Variants in SPAG16 observed in about 807,000 individuals in gnomAD.
The protein encoded by SPAG16 is sperm-associated antigen 16 protein.
Under a neutral mutation model 80.4 loss-of-function variants are expected in SPAG16, and 86 were observed. The ratio of observed to expected loss-of-function variants is 1.07; its 90% CI spans 0.90 to 1.28. The LOEUF (loss-of-function observed/expected upper bound fraction) is 1.28, where lower values mean the gene tolerates loss of function less well. SPAG16 is among the 50% of genes most tolerant of loss of function. SPAG16 has a pLI of 0.00. For synonymous variants in SPAG16, 294 were observed against 265.9 expected, an observed-to-expected ratio of 1.11 and a Z score of -1.03; for missense variants, 870 against 765.3, an observed-to-expected ratio of 1.14 and a Z score of -1.61.
chr2:213,614,675 G>T (rs12611569), intron 10 of SPAG16, among the ~76,000 whole-genome samples: 2 of 151,984 alleles, frequency 1.3e-5, no homozygotes, highest in Non-Finnish European at 2.9e-5. Context: ...TATAATATTT[G>T]TATCTTAAGT....
intron 10 of SPAG16, among the ~76,000 whole-genome samples, chr2:213,644,317 C>T (rs573840895): frequency 6.9e-4 from 105 of 152,126 alleles, no homozygotes; most frequent in African/African-American, 2.5e-3. Flanking sequence ...TGAAATGTCA[C>T]ATTTCTCTGT....
At chr2:213,899,041 A>G (rs1441041445) in intron 11 of SPAG16, among the ~76,000 whole-genome samples, 1 of 152,154 alleles carries the variant, frequency 6.6e-6, no homozygotes. Flanking sequence ...ACATATGATC[A>G]TATATTTTCT....
At chr2:213,852,450 C>T (rs1316730276) in intron 10 of SPAG16, among the ~76,000 whole-genome samples, 6 of 152,158 alleles carry the variant, frequency 3.9e-5, no homozygotes, top group African/African-American at 7.2e-5. Context: ...CTTTGGTACT[C>T]GCCTTCCTCT....
At chr2:213,865,917 CTTATA>C (rs554685415) in intron 11 of SPAG16, among the ~76,000 whole-genome samples, 262 of 146,074 alleles carry the variant, frequency 1.8e-3, no homozygotes, top group African/African-American at 5.1e-3. Flanking sequence ...TACACAGAAA[CTTATA>C]TTATATATAT....
intron 15 of SPAG16, among the ~76,000 whole-genome samples, chr2:214,364,707 C>A (rs1485693878): frequency 1.3e-5 from 2 of 152,036 alleles, no homozygotes; most frequent in Non-Finnish European, 2.9e-5. Context: ...CTAAGAGTGC[C>A]CAGAAGGCTA....
intron 15 of SPAG16, among the ~76,000 whole-genome samples, chr2:214,209,240 G>C (rs1559130128): frequency 6.6e-6 from 1 of 151,976 alleles, no homozygotes; most frequent in Non-Finnish European, 1.5e-5. Flanking sequence ...CTGATGTCCT[G>C]GGAATATAAC....
rs1395919543 is a variant in SPAG16 at position 214,223,868 on chromosome 2, G to A, written c.1720+74602G>A. Reference sequence around the variant, plus strand: ...AATAAAGTGTGGTGATCAGAAGAGGGCATGTTTCAGTTATGAGGCATTGAC... The same window carrying A: ...AATAAAGTGTGGTGATCAGAAGAGGACATGTTTCAGTTATGAGGCATTGAC... On this transcript the variant is annotated intron_variant, in intron 15 of 15. Transcript: ENST00000331683. Among the ~76,000 whole-genome samples, 3 of 152,134 alleles carry A rather than the reference G, an allele frequency of 2.0e-5. No individual in the cohort carries two copies. In the East Asian group the frequency reaches 5.8e-4, roughly 29 times the overall value.
chr2:213,718,149 CAAAAAAAAAAA>C (rs71063769), intron 10 of SPAG16, among the ~76,000 whole-genome samples: 68 of 92,246 alleles, frequency 7.4e-4, no homozygotes, highest in African/African-American at 3.1e-3. Context: ...AACAAGTTTA[CAAAAAAAAAAA>C]AAAAAAAAAG....
At chr2:214,271,519 G>A (rs1691999346) in intron 15 of SPAG16, among the ~76,000 whole-genome samples, 1 of 152,266 alleles carries the variant, frequency 6.6e-6, no homozygotes, top group Admixed American at 6.5e-5. Context: ...AAGAGAAACT[G>A]GCCACGTGTG....
At chr2:214,384,959 A>C (rs938279206) in intron 15 of SPAG16, among the ~76,000 whole-genome samples, 1 of 152,220 alleles carries the variant, frequency 6.6e-6, no homozygotes, top group African/African-American at 2.4e-5. Flanking sequence ...TGTCAATGAG[A>C]TCCATTTTAA....
intron 11 of SPAG16, among the ~76,000 whole-genome samples, chr2:213,912,158 C>G (rs2077706337): frequency 6.6e-6 from 1 of 151,948 alleles, no homozygotes; most frequent in Admixed American, 6.6e-5. Flanking sequence ...CTCTTTGCTG[C>G]AAAATGGGTT....
intron 10 of SPAG16, among the ~76,000 whole-genome samples, chr2:213,555,982 T>C (rs1465193324): frequency 6.6e-6 from 1 of 152,146 alleles, no homozygotes; most frequent in African/African-American, 2.4e-5. Flanking sequence ...ATTTATTTTA[T>C]GCAATCAAAG....
At chr2:213,896,089 A>G (rs1341260078) in intron 11 of SPAG16, among the ~76,000 whole-genome samples, 2 of 152,140 alleles carry the variant, frequency 1.3e-5, no homozygotes, top group Non-Finnish European at 2.9e-5. Flanking sequence ...AAGGAGCTCA[A>G]ACAACTCAAT....
chr2:213,450,262 C>CCA, intron 9 of SPAG16, among the ~76,000 whole-genome samples: 1 of 152,234 alleles, frequency 6.6e-6, no homozygotes, highest in East Asian at 1.9e-4. Context: ...CAAGATTGTG[C>CCA]CACTGCACTC....
chr2:214,212,711 T>C (rs534546036), intron 15 of SPAG16, among the ~76,000 whole-genome samples: 1 of 152,386 alleles, frequency 6.6e-6, no homozygotes, highest in African/African-American at 2.4e-5. Context: ...CTACTCTTTC[T>C]ATTTTTCATC....
chr2:213,585,189 C>CAAAA (rs754596152), intron 10 of SPAG16, among the ~76,000 whole-genome samples: 1 of 88,344 alleles, frequency 1.1e-5, no homozygotes, highest in African/African-American at 3.8e-5. Context: ...GACTCCATCT[C>CAAAA]AAAAAAAAAA....
chr2:213,826,867 T>A (rs1306463552), intron 10 of SPAG16, among the ~76,000 whole-genome samples: 3 of 151,964 alleles, frequency 2.0e-5, no homozygotes, highest in Admixed American at 2.0e-4. Flanking sequence ...TATATTGGAG[T>A]CTATCTTTTT....
chr2:214,187,898 C>T (rs1420578859), intron 15 of SPAG16, among the ~76,000 whole-genome samples: 1 of 152,082 alleles, frequency 6.6e-6, no homozygotes, highest in Admixed American at 6.6e-5. Flanking sequence ...TTCTCTCTAG[C>T]CATACCTCTT....
chr2:213,615,091 A>C (rs909308363), intron 10 of SPAG16, among the ~76,000 whole-genome samples: 1 of 152,250 alleles, frequency 6.6e-6, no homozygotes, highest in African/African-American at 2.4e-5. Context: ...CCCAAGGTCA[A>C]GTTGACAGAC....
Sources: gnomAD v4.1 joint callset for allele counts (sites outside exome capture counted in the v4.1 genomes callset) on GRCh38, gnomAD v4.1.1 for gene constraint, MANE v1.5 for transcripts, NCBI Gene and HGNC (gene_info 2026-07-23, HGNC 2026-07-21) for gene names.